The following DENND4B variants were observed in gnomAD, a reference collection of about 807,000 sequenced individuals.
DENND4B encodes DENN domain containing 4B.
DENND4B carries 67 observed loss-of-function variants against 161.0 expected under a neutral mutation model. The observed-to-expected ratio is 0.42, with a 90% confidence interval of 0.34 to 0.51. The LOEUF (loss-of-function observed/expected upper bound fraction) is 0.51. Ranked by LOEUF, DENND4B falls within the 20% of genes least tolerant of loss-of-function variation. The probability of loss-of-function intolerance (pLI) is 0.08; values close to 1 mark genes in which losing one functional copy is unlikely to be tolerated. For synonymous variants in DENND4B, 753 were observed against 813.8 expected, an observed-to-expected ratio of 0.93 and a Z score of 1.27; for missense variants, 1,481 against 1,968.0, an observed-to-expected ratio of 0.75 and a Z score of 4.68.
Position 153,930,979 on chromosome 1 carries a change from C to T in DENND4B, c.4082G>A (p.Cys1361Tyr). The T allele has an allele frequency of 6.2e-7, 1 of 1,609,502 alleles. No individual in the cohort carries two copies. Among genetic ancestry groups the T allele is most frequent in the Non-Finnish European group, 8.5e-7 (1 of 1,178,172 alleles). Reference protein sequence around the residue: ...WDVLTPDPNSCPPLYVLWRVH... With the variant: ...WDVLTPDPNSYPPLYVLWRVH... ...CCTCCAGAGCACATAGAGAGGTGGG[C>T]AGCTATTGGGGTCAGGGGTCAGTAC... Residue 1361 changes from cysteine to tyrosine, a missense_variant, in exon 25 of 28, where the codon TGC becomes TAC. Around this residue, in one of 3 missense-constraint regions of DENND4B, gnomAD observed 336 missense variants for 503.3 expected, o/e 0.67. Transcript: ENST00000361217. This position sits in a 1 kb window ranked among gnomAD's most constrained non-coding sequence, Gnocchi z 4.7.
Position 153,944,677 on chromosome 1 carries a change from G to A in DENND4B, c.-23-280C>T, listed in dbSNP as rs977204698. Reference sequence around the variant, plus strand: ...GCTATGACATTCACATTGTCCATGTGTCCCTTTTAAAGGCTCACCAGTTAT... The same window carrying A: ...GCTATGACATTCACATTGTCCATGTATCCCTTTTAAAGGCTCACCAGTTAT... On this transcript the variant is annotated intron_variant, in intron 1 of 27. Transcript: ENST00000361217. The surrounding 1 kb of genome is among the most constrained non-coding windows in gnomAD (Gnocchi z 4.8). Among the ~76,000 whole-genome samples, 5 of 152,170 alleles carry A rather than the reference G, an allele frequency of 3.3e-5. No individual in the cohort carries two copies. Among genetic ancestry groups the A allele is most frequent in the African/African-American group, 1.2e-4 (5 of 41,448 alleles).
chr1:153,942,219 TGGA>T lies in DENND4B; in HGVS notation c.775_777del (p.Ser259del). 6.2e-7 allele frequency: 1 copy of T among 1,613,642 alleles called. No homozygotes were observed. The highest frequency in any genetic ancestry group is 8.5e-7 in the Non-Finnish European group (1 of 1,179,810). Reference sequence around the variant, plus strand: ...CCAGCTGCACCCGTGAGCACAAAGGTGGAGAAGACGGGCACGGGGTACTTGGTC... The same window carrying T: ...CCAGCTGCACCCGTGAGCACAAAGGTGAAGACGGGCACGGGGTACTTGGTC... On this transcript the variant is annotated inframe_deletion, in exon 5 of 28. Coordinates refer to ENST00000361217, the MANE Select transcript of DENND4B (RefSeq NM_014856.3). This position sits in a 1 kb window ranked among gnomAD's most constrained non-coding sequence, Gnocchi z 6.9.
Position 153,942,926 on chromosome 1 carries a change from GC to G in DENND4B, c.521del (p.Gly174AlafsTer125), listed in dbSNP as rs1208737948. ...GCAGCCGGCAGTAAGTATGAGGAGT[GC>G]CCTCGCCCTTACTGGGCAGCACCAG... is the stretch of plus-strand genomic sequence containing the variant. ...LCLVLPSKGE[G>X]TPHTYCRLPR... On this transcript the variant is annotated frameshift_variant, in exon 3 of 28. Transcript: ENST00000361217. LOFTEE classifies it high-confidence loss of function. The surrounding 1 kb of genome is among the most constrained non-coding windows in gnomAD (Gnocchi z 6.9). The G allele has an allele frequency of 6.2e-7, 1 of 1,611,538 alleles. No individual in the cohort carries two copies.
At chr1:153,931,210 G>A in intron 24 of DENND4B, 146 bp from the exon 25 acceptor site, 1 of 688,618 alleles carries the variant, frequency 1.5e-6, no homozygotes, top group Non-Finnish European at 2.5e-6. Context: ...TCCCCCACAA[G>A]AATGTAAGCT....
In DENND4B at chr1:153,930,466, CAT is replaced by C. The variant is rs779085992; in HGVS notation, c.4346-26_4346-25del. ...CACTAGGGAAGAAGGTGGAAGTCAACATGTTAGGACCGCAGCCTCCCACACCT... is the reference window on the plus strand; with the variant it reads ...CACTAGGGAAGAAGGTGGAAGTCAACGTTAGGACCGCAGCCTCCCACACCT... On this transcript the variant is annotated intron_variant, in intron 27 of 27. Coordinates refer to ENST00000361217, the MANE Select transcript of DENND4B (RefSeq NM_014856.3). This position sits in a 1 kb window ranked among gnomAD's most constrained non-coding sequence, Gnocchi z 4.7. The C allele has an allele frequency of 1.2e-6, 2 of 1,613,784 alleles. No individual in the cohort carries two copies. Among genetic ancestry groups the C allele is most frequent in the East Asian group, 4.5e-5 (2 of 44,888 alleles).
chr1:153,942,632 C>A lies in DENND4B; in HGVS notation c.571-7G>T, dbSNP rs780556448. 2 of 1,584,514 alleles carry A rather than the reference C, an allele frequency of 1.3e-6. No individual in the cohort carries two copies. The highest frequency in any genetic ancestry group is 3.7e-5 in the Admixed American group (2 of 54,034). Reference sequence around the variant, plus strand: ...GGTACACTGCTGGGCCCCACTACCCCAGAAATGGCAAGAGACAAGCAGATA... The same window carrying A: ...GGTACACTGCTGGGCCCCACTACCCAAGAAATGGCAAGAGACAAGCAGATA... On this transcript the variant is annotated splice_region_variant and splice_polypyrimidine_tract_variant and intron_variant, in intron 3 of 27. Transcript: ENST00000361217. The surrounding 1 kb of genome is among the most constrained non-coding windows in gnomAD (Gnocchi z 6.9).
In DENND4B at chr1:153,932,422, C is replaced by G; in HGVS notation, c.3778G>C (p.Glu1260Gln). ...CTCAGGTATGCCCATGCCCCACTCT[C>G]AACCCGCCGGGAGGCTCCCTATCAG... The part of the protein sequence containing the change: ...GHMGGASRRV[E>Q]SGAWAYLSPL... The change falls in exon 24 of 28, where the codon GAG becomes CAG. Residue 1260 changes from glutamate to glutamine, a missense_variant. Physicochemically the swap from Glu to Gln is conservative, Grantham distance 29 (BLOSUM62 2). This residue lies in a region of DENND4B where 336 missense variants were observed against 503.3 expected (regional missense o/e 0.67). Coordinates refer to ENST00000361217, the MANE Select transcript of DENND4B (RefSeq NM_014856.3). This position sits in a 1 kb window ranked among gnomAD's most constrained non-coding sequence, Gnocchi z 5.8. The G allele has an allele frequency of 6.2e-7, 1 of 1,610,642 alleles. No individual in the cohort carries two copies. The highest frequency in any genetic ancestry group is 1.1e-5 in the South Asian group (1 of 90,526).
At position 153,937,417 on chromosome 1, in the gene DENND4B, ATGAGGAAAC is replaced by A; in HGVS notation, c.2232+62_2232+70del. ...TATTATTGTTATACCCATTTTGTAG[ATGAGGAAAC>A]TGAAGCAGCAGCAGCCTTCAGCCTG... is the stretch of plus-strand genomic sequence containing the variant. On this transcript the variant is annotated intron_variant, in intron 15 of 27. Coordinates refer to ENST00000361217, the MANE Select transcript of DENND4B (RefSeq NM_014856.3). This position sits in a 1 kb window ranked among gnomAD's most constrained non-coding sequence, Gnocchi z 4.7. The A allele has an allele frequency of 6.9e-7, 1 of 1,456,866 alleles. No individual in the cohort carries two copies. Among genetic ancestry groups the A allele is most frequent in the Non-Finnish European group, 9.1e-7 (1 of 1,101,960 alleles). 90.2% of individuals were successfully genotyped at this position (1,456,866 alleles called of 1,614,324 possible).
In DENND4B at chr1:153,943,678, T is replaced by TA. The variant is rs11330733; in HGVS notation, c.317+379dup. Among the ~76,000 whole-genome samples the TA allele has an allele frequency of 4.0e-3, 368 of 92,346 alleles. 4 individuals are homozygous for TA. Among genetic ancestry groups the TA allele is most frequent in the Middle Eastern group, 7.2e-3 (1 of 138 alleles). 60.6% of individuals were successfully genotyped at this position (92,346 alleles called of 152,430 possible). On this transcript the variant is annotated intron_variant, in intron 2 of 27. Coordinates refer to ENST00000361217, the MANE Select transcript of DENND4B (RefSeq NM_014856.3). ...GAGTGACAGAGAGAGACTCTGTCTA[T>TA]AAAAAAAAAAAAAAAAAAAAAAATA...
intron 24 of DENND4B, among the ~76,000 whole-genome samples, chr1:153,931,470 A>G (rs1467473028): frequency 6.6e-6 from 1 of 151,568 alleles, no homozygotes; most frequent in Non-Finnish European, 1.5e-5. Context: ...AACCAGGTGC[A>G]GCAGACTCCA....
Position 153,942,046 on chromosome 1 carries a change from C to T in DENND4B, c.878G>A (p.Arg293Gln), listed in dbSNP as rs1228726464. The change falls in exon 6 of 28, where the codon CGG becomes CAG. Residue 293 changes from arginine (R) to glutamine (Q), a missense_variant. Arg to Gln is a conservative substitution (Grantham distance 43, BLOSUM62 1). This residue lies in a region of DENND4B where 806 missense variants were observed against 1,134.4 expected (regional missense o/e 0.71). Coordinates refer to ENST00000361217, the MANE Select transcript of DENND4B (RefSeq NM_014856.3). The surrounding 1 kb of genome is among the most constrained non-coding windows in gnomAD (Gnocchi z 6.9). ...PRARLSERQA[R>Q]ALGLLSAVER... The stretch of plus-strand genomic sequence containing the variant: ...CACGGCGCTCAGCAGGCCCAGTGCC[C>T]GTGCCTGTCGCTCTGATAGCCTGGC... 20 of 1,611,372 alleles carry T rather than the reference C, an allele frequency of 1.2e-5. No homozygotes were observed. Among genetic ancestry groups the T allele is most frequent in the East Asian group, 6.7e-5 (3 of 44,728 alleles).
At chr1:153,939,458 A>G (rs1679543604) in intron 12 of DENND4B, 131 bp downstream of exon 12, 2 of 1,052,650 alleles carry the variant, frequency 1.9e-6, no homozygotes, top group African/African-American at 1.6e-5. Flanking sequence ...GCGGGTGCCC[A>G]TAAAAACATT....
chr1:153,933,523 A>T lies in DENND4B; in HGVS notation c.3290T>A (p.Leu1097His), dbSNP rs770930287. The stretch of plus-strand genomic sequence containing the variant: ...TCCAGGGCGCTCCCGGGGGTGCAGA[A>T]GACTGTCCATGGGGCTGCGGCGGGC... ...PPARRSPMDSLLHPRERPGST... is the reference protein window; with the variant it reads ...PPARRSPMDSHLHPRERPGST... The change falls in exon 20 of 28, where the codon CTT becomes CAT. Residue 1097 changes from leucine to histidine, a missense_variant. Physicochemically the swap from Leu to His is moderately conservative, Grantham distance 99. Transcript: ENST00000361217. The surrounding 1 kb of genome is among the most constrained non-coding windows in gnomAD (Gnocchi z 5.7). The T allele has an allele frequency of 7.1e-6, 11 of 1,551,908 alleles. No homozygotes were observed. The highest frequency in any genetic ancestry group is 1.7e-6 in the Non-Finnish European group (2 of 1,149,836).
chr1:153,945,576 GCA>G (rs1375627467), intron 1 of DENND4B, among the ~76,000 whole-genome samples: 4 of 145,778 alleles, frequency 2.7e-5, no homozygotes, highest in Non-Finnish European at 6.0e-5. Context: ...ACACACACAC[GCA>G]CACACACACG....
chr1:153,934,052 C>G lies in DENND4B; in HGVS notation c.2941+83G>C. The G allele has an allele frequency of 1.4e-6, 2 of 1,471,326 alleles. No individual in the cohort carries two copies. The allele number at this position is 1,471,326 out of a possible 1,614,324, so 91.1% of individuals were successfully genotyped here. On this transcript the variant is annotated intron_variant, in intron 19 of 27. Coordinates refer to ENST00000361217, the MANE Select transcript of DENND4B (RefSeq NM_014856.3). This position sits in a 1 kb window ranked among gnomAD's most constrained non-coding sequence, Gnocchi z 5.3. ...CCACCACAGAGGGCCGCCCTCCACT[C>G]TGTTTCTGGTCTTCCCCACCTCACT...
In DENND4B at chr1:153,934,599, G is replaced by A; in HGVS notation, c.2773+161C>T. 6 of 1,295,370 alleles carry A rather than the reference G, an allele frequency of 4.6e-6. No homozygotes were observed. The highest frequency in any genetic ancestry group is 3.0e-5 in the South Asian group (2 of 66,680). 80.2% of individuals were successfully genotyped at this position (1,295,370 alleles called of 1,614,324 possible). Reference sequence around the variant, plus strand: ...TGGGACTACAGGTGCGCGCCACCACGCCCAGCTAATTTTTTTATCCCTTTT... The same window carrying A: ...TGGGACTACAGGTGCGCGCCACCACACCCAGCTAATTTTTTTATCCCTTTT... On this transcript the variant is annotated intron_variant, in intron 18 of 27. Coordinates refer to ENST00000361217, the MANE Select transcript of DENND4B (RefSeq NM_014856.3). This position sits in a 1 kb window ranked among gnomAD's most constrained non-coding sequence, Gnocchi z 5.3.
chr1:153,932,989 C>T lies in DENND4B; in HGVS notation c.3495G>A (p.Ser1165=), dbSNP rs370715705. The T allele has an allele frequency of 3.5e-5, 57 of 1,613,850 alleles. No individual in the cohort carries two copies. The highest frequency in any genetic ancestry group is 1.1e-4 in the African/African-American group (8 of 74,924). The part of the protein sequence containing the change: ...SSCSLCRACD[S]LVYDEEIMAG... ...CCATGATTTCCTCATCATACACCAGCGAATCACAGGCACGGCACAGGGAGC... is the reference window on the plus strand; with the variant it reads ...CCATGATTTCCTCATCATACACCAGTGAATCACAGGCACGGCACAGGGAGC... The change falls in exon 22 of 28, where the codon TCG becomes TCA. Residue 1165 remains serine, a synonymous_variant. Coordinates refer to ENST00000361217, the MANE Select transcript of DENND4B (RefSeq NM_014856.3). This position sits in a 1 kb window ranked among gnomAD's most constrained non-coding sequence, Gnocchi z 5.8.
chr1:153,944,050 G>A lies in DENND4B; in HGVS notation c.317+8C>T, dbSNP rs755851788. The A allele has an allele frequency of 8.4e-6, 13 of 1,547,244 alleles. No individual in the cohort carries two copies. The Middle Eastern group carries it at 5.2e-4, about 62-fold the overall frequency. On this transcript the variant is annotated splice_region_variant and intron_variant, in intron 2 of 27. Coordinates refer to ENST00000361217, the MANE Select transcript of DENND4B (RefSeq NM_014856.3). This position sits in a 1 kb window ranked among gnomAD's most constrained non-coding sequence, Gnocchi z 4.8. Reference sequence around the variant, plus strand: ...TCCCCTGGTGCCAGCATGGGTAGGGGCACACACCCCAGCTCAACGAGGGGG... The same window carrying A: ...TCCCCTGGTGCCAGCATGGGTAGGGACACACACCCCAGCTCAACGAGGGGG...
Position 153,930,369 on chromosome 1 carries a change from G to A in DENND4B, c.4419C>T (p.His1473=), listed in dbSNP as rs201674736. Residue 1473 remains histidine, a synonymous_variant, in exon 28 of 28, where the codon CAC becomes CAT. Coordinates refer to ENST00000361217, the MANE Select transcript of DENND4B (RefSeq NM_014856.3). This position sits in a 1 kb window ranked among gnomAD's most constrained non-coding sequence, Gnocchi z 4.7. Reference sequence around the variant, plus strand: ...TGGGAGTGGGCATCTGCGCCCGCCGGTGCCTCAGCTCCTCCTTGCCCATGC... The same window carrying A: ...TGGGAGTGGGCATCTGCGCCCGCCGATGCCTCAGCTCCTCCTTGCCCATGC... ...ASSMGKEELR[H]RRAQMPTPKA... is the part of the protein sequence containing the mutation. The A allele has an allele frequency of 7.7e-5, 124 of 1,614,050 alleles. No homozygotes were observed. In the East Asian group the frequency reaches 1.0e-3, roughly 13 times the overall value.
Sources: allele counts gnomAD v4.1 joint callset (sites outside exome capture counted in the v4.1 genomes callset), GRCh38; gene constraint gnomAD v4.1.1; regional missense constraint gnomAD v4.1.1; non-coding constraint Gnocchi (gnomAD v3.1); transcripts MANE v1.5; gene names NCBI Gene and HGNC (gene_info 2026-07-23, HGNC 2026-07-21).